ANO2: variants seen among roughly 807,000 people sequenced by gnomAD.
ANO2 encodes the protein anoctamin 2, also known as anoctamin-2.
In ANO2, 101 loss-of-function variants were observed where a neutral mutation model predicts 124.2. That is an observed-to-expected ratio of 0.81 (90% CI 0.69 to 0.96). The LOEUF (loss-of-function observed/expected upper bound fraction) is 0.96. Among genes scored for constraint, ANO2 ranks in the 40% least tolerant of loss-of-function variants. The pLI is 0.00. For synonymous variants in ANO2, 486 were observed against 482.5 expected, an observed-to-expected ratio of 1.01 and a Z score of -0.09; for missense variants, 1,293 against 1,274.5, an observed-to-expected ratio of 1.01 and a Z score of -0.22.
intron 4 of ANO2, chr12:5,852,018 G>A: frequency 1.4e-6 from 1 of 715,684 alleles, no homozygotes; most frequent in Admixed American, 2.0e-5. Flanking sequence ...AATAGAATGA[G>A]GTTAAGAGAA....
At chr12:5,872,197 C>G (rs1353777266) in intron 3 of ANO2, among the ~76,000 whole-genome samples, 1 of 152,186 alleles carries the variant, frequency 6.6e-6, no homozygotes, top group Admixed American at 6.5e-5. Context: ...CGCGCACCTG[C>G]TCTGGTCTCA....
At chr12:5,669,624 G>C (rs1241181877) in intron 14 of ANO2, among the ~76,000 whole-genome samples, 2 of 152,188 alleles carry the variant, frequency 1.3e-5, no homozygotes, top group African/African-American at 4.8e-5. Flanking sequence ...GGTTTTCAAG[G>C]GGAATGCTTC....
At chr12:5,764,416 A>G (rs1401915308) in intron 10 of ANO2, among the ~76,000 whole-genome samples, 2 of 152,228 alleles carry the variant, frequency 1.3e-5, no homozygotes, top group Non-Finnish European at 2.9e-5. Flanking sequence ...GTAGTATGCT[A>G]TTATCCTTAA....
intron 23 of ANO2, among the ~76,000 whole-genome samples, chr12:5,567,295 A>G (rs1941825238): frequency 6.6e-6 from 1 of 152,316 alleles, no homozygotes; most frequent in South Asian, 2.1e-4. Flanking sequence ...GGACAGAAAC[A>G]TGGCCAGCTC....
chr12:5,594,016 C>T (rs1219402879), intron 20 of ANO2, among the ~76,000 whole-genome samples: 1 of 152,166 alleles, frequency 6.6e-6, no homozygotes, highest in Non-Finnish European at 1.5e-5. Context: ...ATCCAGAAAA[C>T]ATTGTCCTCA....
intron 14 of ANO2, among the ~76,000 whole-genome samples, chr12:5,730,258 C>T (rs1272540228): frequency 6.6e-6 from 1 of 152,024 alleles, no homozygotes; most frequent in African/African-American, 2.4e-5. Flanking sequence ...TCTCAATAAA[C>T]ATGTTTAAAA....
At chr12:5,851,684 C>CA (rs548897910) in intron 4 of ANO2, among the ~76,000 whole-genome samples, 3,853 of 62,312 alleles carry the variant, frequency 0.062, 84 homozygotes, top group Middle Eastern at 0.14. Context: ...GACTCCATCT[C>CA]AAAAAAAAAA....
chr12:5,896,462 T>C (rs1282849640), intron 3 of ANO2, among the ~76,000 whole-genome samples: 2 of 152,178 alleles, frequency 1.3e-5, no homozygotes, highest in African/African-American at 4.8e-5. Context: ...AGTATTCACT[T>C]ATAACATTGA....
Position 5,769,246 on chromosome 12 carries a change from C to G in ANO2, c.1056-18276G>C, listed in dbSNP as rs1951999324. On this transcript the variant is annotated intron_variant, in intron 10 of 24. Coordinates refer to ENST00000682330, the MANE Select transcript of ANO2 (RefSeq NM_001364791.2). The surrounding 1 kb of genome is among the most constrained non-coding windows in gnomAD (Gnocchi z 4.0). ...CCAAATAAAGAGCCATCGTATGGAG[C>G]AAGGGAGGCTGCAGAGCCAGGCTGA... 6.6e-6 allele frequency among the ~76,000 whole-genome samples: 1 copy of G among 152,082 alleles called. No homozygotes were observed. Among genetic ancestry groups the G allele is most frequent in the South Asian group, 2.1e-4 (1 of 4,816 alleles).
At position 5,897,385 on chromosome 12, in the gene ANO2, C is replaced by T. The variant is rs137856472; in HGVS notation, c.534+23655G>A. Among the ~76,000 whole-genome samples, 5 of 152,186 alleles carry T rather than the reference C, an allele frequency of 3.3e-5. No homozygotes were observed. In the East Asian group the frequency reaches 9.7e-4, roughly 29 times the overall value. On this transcript the variant is annotated intron_variant, in intron 3 of 24. Coordinates refer to ENST00000682330, the MANE Select transcript of ANO2 (RefSeq NM_001364791.2). ...TAGCACCTACTAGAAACCCTGGCCACCCATACAAGAGCATCTGGGGCACAG... is the reference window on the plus strand; with the variant it reads ...TAGCACCTACTAGAAACCCTGGCCATCCATACAAGAGCATCTGGGGCACAG...
intron 13 of ANO2, among the ~76,000 whole-genome samples, chr12:5,734,182 C>T (rs556069405): frequency 1.3e-5 from 2 of 152,336 alleles, no homozygotes; most frequent in Admixed American, 6.5e-5. Context: ...ACAGTGAGCA[C>T]ATTCAAAACT....
chr12:5,832,789 T>A (rs191696132), intron 4 of ANO2, among the ~76,000 whole-genome samples, 186 bp from the exon 5 acceptor site: 2 of 152,232 alleles, frequency 1.3e-5, no homozygotes, highest in Non-Finnish European at 2.9e-5. Context: ...CCTGGACTCC[T>A]GACTCCTCTC....
At chr12:5,673,154 T>C (rs1211752682) in intron 14 of ANO2, among the ~76,000 whole-genome samples, 2 of 152,206 alleles carry the variant, frequency 1.3e-5, no homozygotes, top group Non-Finnish European at 1.5e-5. Context: ...ATTTTCTCCC[T>C]TTTTTATGCA....
intron 15 of ANO2, among the ~76,000 whole-genome samples, chr12:5,645,375 T>A (rs1218752206): frequency 1.3e-5 from 2 of 151,958 alleles, no homozygotes; most frequent in Non-Finnish European, 2.9e-5. Flanking sequence ...GGTGACAGAA[T>A]CAGACTCCGT....
Position 5,930,206 on chromosome 12 carries a change from T to C in ANO2, c.23-7402A>G, listed in dbSNP as rs374560722. Among the ~76,000 whole-genome samples the C allele has an allele frequency of 1.9e-4, 28 of 151,098 alleles. 1 individual carries two copies. The highest frequency in any genetic ancestry group is 4.2e-4 in the South Asian group (2 of 4,776). The stretch of plus-strand genomic sequence containing the variant: ...CTTCCTTCCTTGTGATTACCCAGGG[T>C]TTGATGGAAGGAGCCACATTCTGTT... On this transcript the variant is annotated intron_variant, in intron 1 of 24. Coordinates refer to ENST00000682330, the MANE Select transcript of ANO2 (RefSeq NM_001364791.2).
chr12:5,637,362 C>T (rs12422460), intron 15 of ANO2, among the ~76,000 whole-genome samples: 35,102 of 141,028 alleles, frequency 0.25, 5,083 homozygotes, highest in Admixed American at 0.36. Context: ...TGTGTGTGTA[C>T]GTGTGTGTGT....
intron 14 of ANO2, among the ~76,000 whole-genome samples, chr12:5,659,258 G>C (rs1565533234): frequency 6.6e-6 from 1 of 152,256 alleles, no homozygotes; most frequent in Non-Finnish European, 1.5e-5. Flanking sequence ...AAGCCTTCAT[G>C]GCCTGACCAG....
intron 6 of ANO2, 95 bp from the exon 7 acceptor site, chr12:5,827,915 G>A (rs1954028254): frequency 1.4e-6 from 2 of 1,392,564 alleles, no homozygotes; most frequent in Non-Finnish European, 2.0e-6. Flanking sequence ...GGCGGGAGGC[G>A]CCCGGGCTCA....
rs74408072 is a variant in ANO2, at chr12:5,777,049, G to A, written c.1055+22458C>T. ...ACCTGGGACATATGACAGTGTATGT[G>A]CAAATACACAAAGAATAAATATTGA... On this transcript the variant is annotated intron_variant, in intron 10 of 24. Transcript: ENST00000682330. Among the ~76,000 whole-genome samples the A allele has an allele frequency of 9.0e-3, 1,374 of 152,248 alleles. 20 individuals are homozygous for A. The highest frequency in any genetic ancestry group is 0.03 in the African/African-American group (1,256 of 41,534).
Sources: allele counts gnomAD v4.1 joint callset (sites outside exome capture counted in the v4.1 genomes callset), GRCh38; gene constraint gnomAD v4.1.1; non-coding constraint Gnocchi (gnomAD v3.1); transcripts MANE v1.5; gene names NCBI Gene and HGNC (gene_info 2026-07-23, HGNC 2026-07-21).